EPG5: variants seen among roughly 807,000 people sequenced by gnomAD.
EPG5 encodes ectopic P granules protein 5 homolog.
A neutral mutation model predicts 302.7 loss-of-function variants in EPG5; 159 were observed. That is an observed-to-expected ratio of 0.53 (90% CI 0.46 to 0.60). The LOEUF is 0.60. EPG5 is among the 20% of genes least tolerant of loss of function. EPG5 has a pLI of 0.00. For synonymous variants in EPG5, 1,158 were observed against 1,136.8 expected (o/e 1.02, Z -0.37); for missense variants, 2,896 against 3,092.4 (o/e 0.94, Z 1.51).
intron 1 of EPG5, 99 bp downstream of exon 1, chr18:45,967,078 C>T (rs958189234): frequency 1.0e-5 from 12 of 1,204,498 alleles, no homozygotes; most frequent in Middle Eastern, 2.0e-4. Context: ...ATGCAGAGGG[C>T]TCAGGGAACG....
chr18:45,837,676 G>C, the EPG5 span: 2 of 1,487,438 alleles, frequency 1.3e-6, no homozygotes, highest in Non-Finnish European at 8.9e-7. Flanking sequence ...GCCCGCAGGT[G>C]TTCCGCTGCG....
chr18:45,840,390 C>G, the EPG5 span: 2 of 861,080 alleles, frequency 2.3e-6, no homozygotes, highest in Admixed American at 5.8e-5. Context: ...TGCAGCCCAC[C>G]AAGGCACCCC....
intron 11 of EPG5, among the ~76,000 whole-genome samples, chr18:45,934,134 C>CA (rs963498271): frequency 3.3e-5 from 5 of 151,664 alleles, no homozygotes; most frequent in African/African-American, 9.7e-5. Flanking sequence ...ACTAAAAATA[C>CA]AAAAAATAGC....
Position 45,967,311 on chromosome 18 carries a change from G to C in EPG5, c.-72C>G. ...CGCTTCAAGCAACCTGCCCGGTTCT[G>C]GCCTCCGGACTGTCACATGATCGAA... On this transcript the variant is annotated 5_prime_UTR_variant, in exon 1 of 44. Coordinates refer to ENST00000282041, the MANE Select transcript of EPG5 (RefSeq NM_020964.3). 7.1e-7 allele frequency: 1 copy of C among 1,416,458 alleles called. No individual in the cohort carries two copies. The highest frequency in any genetic ancestry group is 1.4e-5 in the South Asian group (1 of 72,482). 87.7% of individuals were successfully genotyped at this position (1,416,458 alleles called of 1,614,324 possible). A position where few individuals can be genotyped will look rare whatever the true frequency, so the allele number is the denominator to read the frequency against.
intron 30 of EPG5, among the ~76,000 whole-genome samples, chr18:45,884,001 TGAGA>T (rs2049162634): frequency 6.6e-6 from 1 of 151,902 alleles, no homozygotes; most frequent in South Asian, 2.1e-4. Context: ...ATTCTAAATA[TGAGA>T]GAGACTAACA....
chr18:45,925,619 AC>A, intron 14 of EPG5, 118 bp downstream of exon 14: 1 of 703,934 alleles, frequency 1.4e-6, no homozygotes, highest in Non-Finnish European at 2.1e-6. Context: ...TGACACAGCT[AC>A]AAAGAATTTG....
chr18:45,915,473 A>T (rs762451102), intron 20 of EPG5, 38 bp downstream of exon 20: 29 of 1,422,560 alleles, frequency 2.0e-5, no homozygotes, highest in Non-Finnish European at 2.9e-5. Context: ...ATTAAAGTTC[A>T]CAAAGATAAC....
At chr18:45,870,781 T>C (rs761159192) in intron 35 of EPG5, 39 bp from the exon 36 acceptor site, 2 of 1,393,072 alleles carry the variant, frequency 1.4e-6, no homozygotes, top group East Asian at 2.4e-5. Context: ...AGACCTTTGG[T>C]TTACCTTAAA....
the EPG5 span, among the ~76,000 whole-genome samples, chr18:45,836,481 C>T: frequency 2.6e-5 from 4 of 152,234 alleles, no homozygotes; most frequent in African/African-American, 4.8e-5. Flanking sequence ...TCCTCTGAGG[C>T]GCGCTCCCCT....
rs1327937071 is a variant in EPG5, at chr18:45,913,722, G to T, written c.3800C>A (p.Pro1267His). 1 of 1,614,062 alleles carries T rather than the reference G, an allele frequency of 6.2e-7. No individual in the cohort carries two copies. The highest frequency in any genetic ancestry group is 8.5e-7 in the Non-Finnish European group (1 of 1,179,978). ...GELVINSAFT[P>H]DQALKKAQTQ... ...TATTTGTACCTTCAGAGCTTGGTCA[G>T]GGGTGAAAGCAGAGTTTATCACCAA... Residue 1267 changes from proline to histidine, a missense_variant, in exon 21 of 44, where the codon CCT (proline) becomes CAT (histidine). Transcript: ENST00000282041.
At position 45,847,674 on chromosome 18, in the gene EPG5, T is replaced by A. The variant is rs1332245026; in HGVS notation, c.*4793A>T. The A allele has an allele frequency of 6.6e-6, 1 of 152,636 alleles. No individual in the cohort carries two copies. The highest frequency in any genetic ancestry group is 1.9e-4 in the East Asian group (1 of 5,200). 9.5% of individuals were successfully genotyped at this position (152,636 alleles called of 1,614,324 possible). A position where few individuals can be genotyped will look rare whatever the true frequency, so the allele number is the denominator to read the frequency against. ...TAACCAGTTGTCATTTCTTCCTGTTTCTCACCATTATATAAAAACTTACCC... is the reference window on the plus strand; with the variant it reads ...TAACCAGTTGTCATTTCTTCCTGTTACTCACCATTATATAAAAACTTACCC... On this transcript the variant is annotated 3_prime_UTR_variant, in exon 44 of 44. Transcript: ENST00000282041.
intron 24 of EPG5, 126 bp from the exon 25 acceptor site, chr18:45,904,243 C>A (rs898541860): frequency 9.6e-7 from 1 of 1,044,096 alleles, no homozygotes; most frequent in Non-Finnish European, 1.4e-6. Flanking sequence ...AAGTCCTCCA[C>A]CATTAGGATA....
At position 45,914,216 on chromosome 18, in the gene EPG5, T is replaced by C. The variant is rs183093286; in HGVS notation, c.3694-388A>G. ...GTAAGCAAAATGTGAAGTTGAGCAG[T>C]GACGAGGACTGAGTCAAGGTAAAGT... is the stretch of plus-strand genomic sequence containing the variant. On this transcript the variant is annotated intron_variant, in intron 20 of 43. Transcript: ENST00000282041. Among the ~76,000 whole-genome samples, 703 of 152,274 alleles carry C rather than the reference T, an allele frequency of 4.6e-3. 5 individuals are homozygous for C. Among genetic ancestry groups the C allele is most frequent in the Non-Finnish European group, 8.3e-3 (563 of 68,016 alleles).
chr18:45,850,977 A>G lies in EPG5; in HGVS notation c.*1490T>C. The G allele has an allele frequency of 6.6e-6, 1 of 152,280 alleles. No individual in the cohort carries two copies. The highest frequency in any genetic ancestry group is 1.9e-4 in the East Asian group (1 of 5,202). 9.4% of individuals were successfully genotyped at this position (152,280 alleles called of 1,614,324 possible). On this transcript the variant is annotated 3_prime_UTR_variant, in exon 44 of 44. Coordinates refer to ENST00000282041, the MANE Select transcript of EPG5 (RefSeq NM_020964.3). ...GGACATTTTGTGGCCTGTAAAACTC[A>G]AGAGACTAAACAGGGATGTTCTTTA...
chr18:45,820,346 G>C, the EPG5 span, among the ~76,000 whole-genome samples: 1 of 152,136 alleles, frequency 6.6e-6, no homozygotes, highest in Non-Finnish European at 1.5e-5. Context: ...CATGTATTAG[G>C]AAATGTTCTG....
At chr18:45,965,110 T>G (rs190211754) in intron 1 of EPG5, among the ~76,000 whole-genome samples, 65 of 152,304 alleles carry the variant, frequency 4.3e-4, no homozygotes, top group African/African-American at 1.6e-3. Context: ...CATGGAATAC[T>G]ATGCAGCCAT....
intron 22 of EPG5, among the ~76,000 whole-genome samples, chr18:45,911,188 C>A (rs2049889980): frequency 6.6e-6 from 1 of 151,510 alleles, no homozygotes; most frequent in African/African-American, 2.4e-5. Context: ...GTGGCATAAT[C>A]ACTGCTCACT....
chr18:45,918,560 A>G (rs999928558), intron 16 of EPG5, among the ~76,000 whole-genome samples: 3 of 152,178 alleles, frequency 2.0e-5, no homozygotes. Flanking sequence ...AATCTCAAAT[A>G]CGGAAAAAAA....
chr18:45,873,097 T>C (rs576528291), intron 35 of EPG5, among the ~76,000 whole-genome samples: 15 of 152,330 alleles, frequency 9.8e-5, no homozygotes, highest in Admixed American at 3.9e-4. Context: ...CTCTCCTGTT[T>C]CCTTTCTTTG....
Sources: allele counts gnomAD v4.1 joint callset (sites outside exome capture counted in the v4.1 genomes callset), GRCh38; gene constraint gnomAD v4.1.1; transcripts MANE v1.5; gene names NCBI Gene and HGNC (gene_info 2026-07-23, HGNC 2026-07-21).